The following FUT8 variants were observed in gnomAD, a reference collection of about 807,000 sequenced individuals.
FUT8 encodes fucosyltransferase 8, also known as alpha-(1,6)-fucosyltransferase.
Under a neutral mutation model 71.3 loss-of-function variants are expected in FUT8, and 29 were observed. The observed-to-expected ratio is 0.41, with a 90% CI of 0.30 to 0.55. The LOEUF (loss-of-function observed/expected upper bound fraction) is 0.55. Among genes scored for constraint, FUT8 ranks in the 20% least tolerant of loss-of-function variants. The pLI is 0.34. For synonymous variants in FUT8, 254 were observed against 239.3 expected, an observed-to-expected ratio of 1.06 and a Z score of -0.57; for missense variants, 544 against 702.1, an observed-to-expected ratio of 0.77 and a Z score of 2.55.
the FUT8 span, among the ~76,000 whole-genome samples, chr14:65,364,292 C>T: frequency 2.0e-5 from 3 of 150,758 alleles, no homozygotes; most frequent in South Asian, 2.1e-4. Context: ...GCAACCTCCA[C>T]CTCCCGGGTT....
intron 1 of FUT8, among the ~76,000 whole-genome samples, chr14:65,431,659 CACT>C (rs2065478241): frequency 3.0e-5 from 1 of 32,856 alleles, no homozygotes. Context: ...TTTGTAGGTT[CACT>C]TTTTTTTTTT....
At chr14:65,430,743 T>C (rs918503107) in intron 1 of FUT8, among the ~76,000 whole-genome samples, 1 of 152,118 alleles carries the variant, frequency 6.6e-6, no homozygotes, top group Non-Finnish European at 1.5e-5. Context: ...TTTTGTAACA[T>C]AGCAAAGAAT....
At chr14:65,525,853 T>C (rs1206588981) in intron 2 of FUT8, among the ~76,000 whole-genome samples, 1 of 152,218 alleles carries the variant, frequency 6.6e-6, no homozygotes, top group East Asian at 1.9e-4. Flanking sequence ...TTGTTCAGTT[T>C]CCATGTAGTT....
intron 1 of FUT8, among the ~76,000 whole-genome samples, chr14:65,427,076 A>G (rs2065400688): frequency 6.6e-6 from 1 of 151,982 alleles, no homozygotes; most frequent in Non-Finnish European, 1.5e-5. Flanking sequence ...GTTAGCCAGG[A>G]TGATCTCAAT....
intron 10 of FUT8, among the ~76,000 whole-genome samples, chr14:65,738,880 G>C (rs1896357086): frequency 6.6e-6 from 1 of 151,980 alleles, no homozygotes; most frequent in African/African-American, 2.4e-5. Flanking sequence ...CCATTACTGG[G>C]CTGGTATTAT....
chr14:65,722,303 GT>G (rs976734140), intron 8 of FUT8, among the ~76,000 whole-genome samples: 10 of 151,940 alleles, frequency 6.6e-5, no homozygotes, highest in Admixed American at 2.6e-4. Context: ...GGCTTTTGTT[GT>G]TGTTATTTTT....
intron 2 of FUT8, among the ~76,000 whole-genome samples, chr14:65,523,474 G>A (rs1051848374): frequency 6.6e-5 from 10 of 152,174 alleles, no homozygotes; most frequent in African/African-American, 2.4e-4. Context: ...CTGGATATTA[G>A]CCCTTTGTCA....
intron 2 of FUT8, among the ~76,000 whole-genome samples, chr14:65,511,557 A>G (rs907529217): frequency 3.3e-5 from 5 of 152,118 alleles, no homozygotes; most frequent in Middle Eastern, 3.2e-3. Context: ...TTTGCTTTAT[A>G]TATCTGGGTG....
chr14:65,623,281 CTT>C (rs200057529), intron 5 of FUT8, among the ~76,000 whole-genome samples: 2 of 150,660 alleles, frequency 1.3e-5, no homozygotes, highest in African/African-American at 4.9e-5. Flanking sequence ...GACTAGAAGT[CTT>C]TTTTTTTTAA....
intron 7 of FUT8, among the ~76,000 whole-genome samples, chr14:65,679,196 C>T (rs1467054470): frequency 6.6e-6 from 1 of 152,112 alleles, no homozygotes; most frequent in Admixed American, 6.6e-5. Context: ...AAATACCTGC[C>T]TCTGCTGCTA....
At chr14:65,618,836 A>ATGGGCC (rs887563905) in intron 5 of FUT8, among the ~76,000 whole-genome samples, 4 of 152,144 alleles carry the variant, frequency 2.6e-5, no homozygotes, top group African/African-American at 9.7e-5. Context: ...CCACCTGGGT[A>ATGGGCC]TGGGCCTGCC....
chr14:65,564,574 G>A (rs909214153), intron 3 of FUT8, among the ~76,000 whole-genome samples: 8 of 151,828 alleles, frequency 5.3e-5, no homozygotes, highest in African/African-American at 9.7e-5. Flanking sequence ...TTCCTTTATC[G>A]TAGATGTCTG....
chr14:65,476,637 ATTTTTTT>A (rs200882761), intron 2 of FUT8, among the ~76,000 whole-genome samples: 66 of 125,124 alleles, frequency 5.3e-4, no homozygotes, highest in African/African-American at 1.8e-3. Context: ...AAAGAAGTAG[ATTTTTTT>A]TTTTTTTTTT....
chr14:65,594,542 A>G (rs1302196227), intron 3 of FUT8, among the ~76,000 whole-genome samples: 2 of 152,218 alleles, frequency 1.3e-5, no homozygotes, highest in African/African-American at 4.8e-5. Context: ...CAGTGAGGGC[A>G]GAGGGCCAGT....
At chr14:65,700,257 TC>T (rs1347909969) in intron 7 of FUT8, among the ~76,000 whole-genome samples, 1 of 152,126 alleles carries the variant, frequency 6.6e-6, no homozygotes, top group Non-Finnish European at 1.5e-5. Flanking sequence ...ATTCATATTT[TC>T]CCCCAAACAT....
chr14:65,443,170 G>T (rs1431574293), intron 1 of FUT8, among the ~76,000 whole-genome samples: 2 of 152,078 alleles, frequency 1.3e-5, no homozygotes, highest in Non-Finnish European at 2.9e-5. Context: ...CAGCACTTTG[G>T]GAGGCTGAGA....
intron 2 of FUT8, among the ~76,000 whole-genome samples, chr14:65,556,420 G>C (rs999272287): frequency 6.6e-6 from 1 of 152,148 alleles, no homozygotes; most frequent in Non-Finnish European, 1.5e-5. Context: ...TTAAATCTTC[G>C]TTGGCTGTTG....
chr14:65,496,021 T>C (rs963484205), intron 2 of FUT8, among the ~76,000 whole-genome samples: 6 of 152,172 alleles, frequency 3.9e-5, no homozygotes, highest in African/African-American at 1.4e-4. Flanking sequence ...AATCAGATTT[T>C]AGAAAAATTT....
At position 65,616,076 on chromosome 14, in the gene FUT8, A is replaced by G. The variant is rs1172212527; in HGVS notation, c.302A>G (p.Lys101Arg). Reference sequence around the variant, plus strand: ...GCCAAAGAACAGATTGAAAATTACAAGAAACAGACCAGAAATGGTAGGTGA... The same window carrying G: ...GCCAAAGAACAGATTGAAAATTACAGGAAACAGACCAGAAATGGTAGGTGA... The part of the protein sequence containing the change: ...VKAKEQIENY[K>R]KQTRNGLGKD... The change falls in exon 4 of 11, where the codon AAG becomes AGG. Residue 101 changes from lysine to arginine, a missense_variant. Lys to Arg is a conservative substitution (Grantham distance 26). Coordinates refer to ENST00000673929, the MANE Select transcript of FUT8 (RefSeq NM_001371533.1). 1 of 1,613,902 alleles carries G rather than the reference A, an allele frequency of 6.2e-7. No individual in the cohort carries two copies. The highest frequency in any genetic ancestry group is 2.2e-5 in the East Asian group (1 of 44,852).
Sources: gnomAD v4.1 joint callset for allele counts (sites outside exome capture counted in the v4.1 genomes callset) on GRCh38, gnomAD v4.1.1 for gene constraint, MANE v1.5 for transcripts, NCBI Gene and HGNC (gene_info 2026-07-23, HGNC 2026-07-21) for gene names.